Variants in NRXN3 observed in about 807,000 individuals in gnomAD.
NRXN3 encodes neurexin III.
In NRXN3, 32 loss-of-function variants were observed where a neutral mutation model predicts 137.6. That is an observed-to-expected ratio of 0.23 (90% CI 0.18 to 0.31). NRXN3 has a LOEUF of 0.31. Among genes scored for constraint, NRXN3 ranks in the 10% least tolerant of loss-of-function variants. NRXN3 has a pLI of 1.00. For missense variants in NRXN3, 1,574 were observed against 2,062.5 expected (o/e 0.76, Z 4.59); for synonymous variants, 798 against 784.5 (o/e 1.02, Z -0.29).
chr14:79,613,269 T>C (rs2153877613), intron 16 of NRXN3, among the ~76,000 whole-genome samples: 1 of 152,372 alleles, frequency 6.6e-6, no homozygotes, highest in African/African-American at 2.4e-5. Flanking sequence ...ACTGTTTAAA[T>C]GTGAAGGGAT....
chr14:79,363,589 C>T (rs1327586012), intron 15 of NRXN3, among the ~76,000 whole-genome samples: 2 of 133,550 alleles, frequency 1.5e-5, no homozygotes. Flanking sequence ...GTTGCTCCTT[C>T]TACTTTCTTA....
At chr14:78,672,657 A>C (rs1402285546) in intron 6 of NRXN3, among the ~76,000 whole-genome samples, 1 of 152,106 alleles carries the variant, frequency 6.6e-6, no homozygotes, top group Non-Finnish European at 1.5e-5. Context: ...CGCCCACAGG[A>C]CTCTTCCCTC....
At chr14:78,974,691 T>C (rs1434629039) in intron 14 of NRXN3, among the ~76,000 whole-genome samples, 1 of 152,122 alleles carries the variant, frequency 6.6e-6, no homozygotes, top group Non-Finnish European at 1.5e-5. Context: ...GCTTTTTTTT[T>C]CGATTATTTG....
chr14:78,592,626 G>A (rs1020699571), intron 4 of NRXN3, among the ~76,000 whole-genome samples: 1 of 152,106 alleles, frequency 6.6e-6, no homozygotes, highest in African/African-American at 2.4e-5. Flanking sequence ...GACACTGTAG[G>A]CCACCACCTC....
chr14:78,941,462 A>C (rs1265302471), intron 10 of NRXN3, among the ~76,000 whole-genome samples: 1 of 152,156 alleles, frequency 6.6e-6, no homozygotes, highest in African/African-American at 2.4e-5. Flanking sequence ...TCTAAGTATC[A>C]GTTCCAAGAA....
chr14:79,507,509 A>G (rs2096889913), intron 16 of NRXN3, among the ~76,000 whole-genome samples: 2 of 152,186 alleles, frequency 1.3e-5, no homozygotes, highest in African/African-American at 4.8e-5. Flanking sequence ...TTTGAATACA[A>G]ATGCCTAGTC....
intron 10 of NRXN3, among the ~76,000 whole-genome samples, chr14:78,896,006 C>T (rs951825519): frequency 1.3e-5 from 2 of 151,812 alleles, no homozygotes; most frequent in African/African-American, 2.4e-5. Flanking sequence ...AAAAGTTTTA[C>T]GTGTTGAGAG....
intron 16 of NRXN3, among the ~76,000 whole-genome samples, chr14:79,505,411 G>A (rs2096868727): frequency 6.6e-6 from 1 of 152,110 alleles, no homozygotes; most frequent in Admixed American, 6.5e-5. Flanking sequence ...AAAGCTTCCT[G>A]GTATCAAAAT....
chr14:79,149,888 T>C (rs192029822), intron 15 of NRXN3, among the ~76,000 whole-genome samples: 1 of 151,684 alleles, frequency 6.6e-6, no homozygotes, highest in East Asian at 2.0e-4. Flanking sequence ...TCAGGAAAAA[T>C]AGCTAATGCA....
intron 4 of NRXN3, among the ~76,000 whole-genome samples, chr14:78,343,253 C>A (rs771276841): frequency 6.6e-6 from 1 of 152,150 alleles, no homozygotes; most frequent in Non-Finnish European, 1.5e-5. Context: ...ACTTTTTGAG[C>A]CTTTGTTTCC....
chr14:79,324,074 CAAAG>C (rs2090494272), intron 15 of NRXN3, among the ~76,000 whole-genome samples: 2 of 152,118 alleles, frequency 1.3e-5, no homozygotes, highest in East Asian at 1.9e-4. Context: ...CTCAAAGAAA[CAAAG>C]AGAGAAGTCT....
At chr14:79,322,376 GA>G (rs1411074072) in intron 15 of NRXN3, among the ~76,000 whole-genome samples, 2 of 152,094 alleles carry the variant, frequency 1.3e-5, no homozygotes, top group Non-Finnish European at 2.9e-5. Flanking sequence ...CGCATTTACG[GA>G]TGGCACAGAT....
rs11424011 is a variant in NRXN3, at chr14:79,072,886, CT to C, written c.3262+84759del. 1.1e-3 allele frequency among the ~76,000 whole-genome samples: 150 copies of C among 139,168 alleles called. 1 individual carries two copies. The East Asian group carries it at 0.013, about 12-fold the overall frequency. The allele number at this position is 139,168 out of a possible 152,430, so 91.3% of individuals were successfully genotyped here. ...GTATGTGTTTTCTCTCTCTCTCTCT[CT>C]TTTTTTTTTTTTTGAGACGGATAGT... On this transcript the variant is annotated intron_variant, in intron 15 of 20. Transcript: ENST00000335750.
At chr14:78,251,897 A>G (rs985808663) in intron 2 of NRXN3, among the ~76,000 whole-genome samples, 2 of 152,056 alleles carry the variant, frequency 1.3e-5, no homozygotes, top group Non-Finnish European at 2.9e-5. Context: ...TTTGCTGGGA[A>G]CTGTGTTGCA....
At chr14:79,470,957 T>A (rs201106871) in intron 16 of NRXN3, among the ~76,000 whole-genome samples, 9,324 of 55,790 alleles carry the variant, frequency 0.17, 313 homozygotes, top group East Asian at 0.41. Context: ...AGAGAGTGTG[T>A]GTGTGTGTGT....
At chr14:79,415,712 A>G (rs569925785) in intron 15 of NRXN3, among the ~76,000 whole-genome samples, 3 of 152,278 alleles carry the variant, frequency 2.0e-5, no homozygotes, top group Admixed American at 2.0e-4. Context: ...TCATGTAACA[A>G]TCGCCATGTT....
At chr14:78,357,189 G>A (rs1435352995) in intron 4 of NRXN3, among the ~76,000 whole-genome samples, 1 of 152,188 alleles carries the variant, frequency 6.6e-6, no homozygotes, top group Non-Finnish European at 1.5e-5. Flanking sequence ...GGCTAAGGAA[G>A]CCTCACAATC....
chr14:78,187,598 A>G (rs1485497346), intron 1 of NRXN3, among the ~76,000 whole-genome samples: 1 of 152,126 alleles, frequency 6.6e-6, no homozygotes, highest in Non-Finnish European at 1.5e-5. Context: ...CTGTGGCCAC[A>G]GTAATAACGA....
chr14:78,695,940 G>A (rs1053209673), intron 6 of NRXN3, among the ~76,000 whole-genome samples: 2 of 151,992 alleles, frequency 1.3e-5, no homozygotes, highest in Non-Finnish European at 2.9e-5. Context: ...GATGTTTCTT[G>A]ACTTCTTCAT....
Sources: gnomAD v4.1 joint callset for allele counts (sites outside exome capture counted in the v4.1 genomes callset) on GRCh38, gnomAD v4.1.1 for gene constraint, MANE v1.5 for transcripts, NCBI Gene and HGNC (gene_info 2026-07-23, HGNC 2026-07-21) for gene names.